Variants in GSK3B observed in about 807,000 individuals in gnomAD.
GSK3B encodes glycogen synthase kinase-3 beta.
In GSK3B, 15 loss-of-function variants were observed where a neutral mutation model predicts 56.4. The observed-to-expected ratio is 0.27, with a 90% confidence interval of 0.18 to 0.41. The LOEUF (loss-of-function observed/expected upper bound fraction) is 0.41. Among genes scored for constraint, GSK3B ranks in the 10% least tolerant of loss-of-function variants. The probability of loss-of-function intolerance (pLI) is 1.00; values close to 1 mark genes in which losing one functional copy is unlikely to be tolerated. For missense variants in GSK3B, 300 were observed against 513.4 expected, an observed-to-expected ratio of 0.58 and a Z score of 4.02; for synonymous variants, 181 against 188.9, an observed-to-expected ratio of 0.96 and a Z score of 0.34.
At chr3:119,877,224 T>C (rs1004664179) in intron 7 of GSK3B, among the ~76,000 whole-genome samples, 2 of 152,134 alleles carry the variant, frequency 1.3e-5, no homozygotes, top group African/African-American at 4.8e-5. Context: ...TCTGAGAGTA[T>C]TTTTTCTTCA....
intron 3 of GSK3B, among the ~76,000 whole-genome samples, chr3:119,944,405 C>A (rs1412349194): frequency 6.6e-6 from 1 of 152,126 alleles, no homozygotes; most frequent in African/African-American, 2.4e-5. Context: ...TTTCTAATGA[C>A]CTCAATTTCT....
intron 3 of GSK3B, among the ~76,000 whole-genome samples, chr3:119,942,000 C>T (rs2057053994): frequency 6.6e-6 from 1 of 152,234 alleles, no homozygotes. Context: ...GCACAGCATT[C>T]TGCTCCCTGA....
chr3:119,999,484 T>G (rs1016923029), intron 2 of GSK3B, among the ~76,000 whole-genome samples: 6 of 152,238 alleles, frequency 3.9e-5, no homozygotes, highest in African/African-American at 1.4e-4. Context: ...GTAAGAATTA[T>G]GTAAAACTGC....
intron 8 of GSK3B, among the ~76,000 whole-genome samples, chr3:119,871,596 T>C (rs2056250709): frequency 6.6e-6 from 1 of 152,120 alleles, no homozygotes; most frequent in African/African-American, 2.4e-5. Flanking sequence ...AAATATTTCA[T>C]GGGAGAAGTG....
chr3:120,023,630 A>G (rs1268653074), intron 1 of GSK3B, among the ~76,000 whole-genome samples: 3 of 152,160 alleles, frequency 2.0e-5, no homozygotes, highest in Admixed American at 2.0e-4. Context: ...GAAGAAAAAT[A>G]CCATTTCCCT....
At chr3:119,870,121 T>TC (rs2056233374) in intron 8 of GSK3B, among the ~76,000 whole-genome samples, 1 of 152,230 alleles carries the variant, frequency 6.6e-6, no homozygotes, top group Non-Finnish European at 1.5e-5. Flanking sequence ...AACCTCCCCT[T>TC]CAACATCCCA....
chr3:120,049,424 A>C (rs993391707), intron 1 of GSK3B, among the ~76,000 whole-genome samples: 1 of 152,222 alleles, frequency 6.6e-6, no homozygotes, highest in Non-Finnish European at 1.5e-5. Context: ...GGAAGCAAGA[A>C]AAAGAAAAAT....
chr3:119,835,309 T>C (rs1232409862), intron 10 of GSK3B, among the ~76,000 whole-genome samples: 1 of 152,246 alleles, frequency 6.6e-6, no homozygotes, highest in East Asian at 1.9e-4. Flanking sequence ...AAATTCTTTA[T>C]ACTTTTTGAC....
rs189918970 is a variant in GSK3B at position 120,012,498 on chromosome 3, A to G, written c.89-10259T>C. Among the ~76,000 whole-genome samples the G allele has an allele frequency of 6.6e-5, 10 of 152,328 alleles. No individual in the cohort carries two copies. The East Asian group carries it at 1.9e-3, about 29-fold the overall frequency. On this transcript the variant is annotated intron_variant, in intron 1 of 10. Transcript: ENST00000264235. Reference sequence around the variant, plus strand: ...TCAGCTTCAGGCCCTCTCTCCCGTCAGAGGACTTCACTCACATTGTACAAA... The same window carrying G: ...TCAGCTTCAGGCCCTCTCTCCCGTCGGAGGACTTCACTCACATTGTACAAA...
chr3:120,010,683 T>TG (rs1299202779), intron 1 of GSK3B, among the ~76,000 whole-genome samples: 1 of 152,210 alleles, frequency 6.6e-6, no homozygotes, highest in Non-Finnish European at 1.5e-5. Flanking sequence ...CTGAGTGTGG[T>TG]GGCACATGCC....
intron 9 of GSK3B, among the ~76,000 whole-genome samples, chr3:119,849,415 G>A (rs559932213): frequency 2.0e-4 from 31 of 152,268 alleles, no homozygotes; most frequent in South Asian, 1.9e-3. Flanking sequence ...CCATGTGCTC[G>A]ATACCTAAAA....
intron 2 of GSK3B, among the ~76,000 whole-genome samples, chr3:119,962,235 C>A (rs149551002): frequency 6.6e-6 from 1 of 151,934 alleles, no homozygotes; most frequent in African/African-American, 2.4e-5. Flanking sequence ...ATTAGCCAAG[C>A]GTGGTGGTGC....
intron 3 of GSK3B, among the ~76,000 whole-genome samples, chr3:119,940,132 G>A (rs1201947443): frequency 6.8e-6 from 1 of 146,860 alleles, no homozygotes; most frequent in Non-Finnish European, 1.5e-5. Context: ...GTGTGTGTGT[G>A]TATACACATG....
chr3:120,055,998 C>T (rs1445319093), intron 1 of GSK3B, among the ~76,000 whole-genome samples: 3 of 152,132 alleles, frequency 2.0e-5, no homozygotes, highest in African/African-American at 7.2e-5. Context: ...CATCATTTGC[C>T]TTTTTAATTC....
intron 7 of GSK3B, among the ~76,000 whole-genome samples, chr3:119,899,038 G>A (rs866208733): frequency 1.3e-5 from 2 of 152,124 alleles, no homozygotes; most frequent in African/African-American, 2.4e-5. Flanking sequence ...TCTTCTGACT[G>A]TACACCAGGA....
At chr3:120,048,510 TC>T (rs2058121957) in intron 1 of GSK3B, among the ~76,000 whole-genome samples, 1 of 152,214 alleles carries the variant, frequency 6.6e-6, no homozygotes, top group South Asian at 2.1e-4. Flanking sequence ...TTATTTCAGT[TC>T]CCTGTGCCTC....
At chr3:119,828,430 G>C (rs1484586689) in intron 10 of GSK3B, among the ~76,000 whole-genome samples, 2 of 152,190 alleles carry the variant, frequency 1.3e-5, no homozygotes, top group Admixed American at 6.5e-5. Flanking sequence ...GAGCAAGAGA[G>C]GTAGCTTGAC....
chr3:120,085,790 A>G, intron 1 of GSK3B, among the ~76,000 whole-genome samples: 1 of 152,118 alleles, frequency 6.6e-6, no homozygotes. Context: ...TGGGCGACAC[A>G]GTGACATTCC....
At chr3:119,860,715 A>G (rs1042973418) in intron 9 of GSK3B, among the ~76,000 whole-genome samples, 5 of 152,226 alleles carry the variant, frequency 3.3e-5, no homozygotes, top group Non-Finnish European at 1.5e-5. Flanking sequence ...ACTAATTAAA[A>G]CAACAATAGT....
Sources: gnomAD v4.1 joint callset for allele counts (sites outside exome capture counted in the v4.1 genomes callset) on GRCh38, gnomAD v4.1.1 for gene constraint, MANE v1.5 for transcripts, NCBI Gene and HGNC (gene_info 2026-07-23, HGNC 2026-07-21) for gene names.